EIF3F: variants seen among roughly 807,000 people sequenced by gnomAD.
EIF3F encodes eukaryotic translation initiation factor 3 subunit F.
EIF3F carries 8 observed loss-of-function variants against 36.0 expected under a neutral mutation model. The observed-to-expected ratio is 0.22, with a 90% CI of 0.13 to 0.40. The LOEUF (loss-of-function observed/expected upper bound fraction) is 0.40. Among genes scored for constraint, EIF3F ranks in the 10% least tolerant of loss-of-function variants. EIF3F has a pLI of 1.00. For missense variants in EIF3F, 430 were observed against 467.6 expected (o/e 0.92, Z 0.74); for synonymous variants, 184 against 188.5 (o/e 0.98, Z 0.19).
chr11:7,987,409 G>A lies in EIF3F; in HGVS notation c.57G>A (p.Pro19=), dbSNP rs1452676751. 3.1e-6 allele frequency: 5 copies of A among 1,600,864 alleles called. No homozygotes were observed. The highest frequency in any genetic ancestry group is 2.2e-5 in the East Asian group (1 of 44,796). ...SAPPATPTPV[P]AAAPASVPAP... Reference sequence around the variant, plus strand: ...CTCCGGCCACGCCAACCCCAGTCCCGGCGGCGGCCCCAGCCTCAGTTCCAG... The same window carrying A: ...CTCCGGCCACGCCAACCCCAGTCCCAGCGGCGGCCCCAGCCTCAGTTCCAG... The change falls in exon 1 of 8, where the codon CCG becomes CCA. Residue 19 remains proline (P), a synonymous_variant. Transcript: ENST00000651655.
chr11:7,987,518 A>C lies in EIF3F; in HGVS notation c.166A>C (p.Thr56Pro). 2 of 1,606,586 alleles carry C rather than the reference A, an allele frequency of 1.2e-6. No individual in the cohort carries two copies. The highest frequency in any genetic ancestry group is 8.5e-7 in the Non-Finnish European group (1 of 1,177,736). Residue 56 changes from threonine to proline, a missense_variant, in exon 1 of 8, where the codon ACT becomes CCT. Thr to Pro is a conservative substitution (Grantham distance 38). Around this residue, in one of 2 missense-constraint regions of EIF3F, gnomAD observed 168 missense variants for 120.2 expected, o/e 1.40. Transcript: ENST00000651655. ...SSDPAAAAAATAAPGQTPASA... is the reference protein window; with the variant it reads ...SSDPAAAAAAPAAPGQTPASA... ...AGACCCTGCGGCAGCAGCGGCTGCA[A>C]CTGCGGCTCCTGGCCAGACCCCGGC... is the stretch of plus-strand genomic sequence containing the variant.
intron 1 of EIF3F, among the ~76,000 whole-genome samples, chr11:7,988,148 A>G (rs535551728): frequency 3.5e-4 from 53 of 152,288 alleles, no homozygotes; most frequent in Non-Finnish European, 6.6e-4. Flanking sequence ...TCCCTTATCC[A>G]CTGACTAAAT....
chr11:7,987,726 C>G lies in EIF3F; in HGVS notation c.364+10C>G. The G allele has an allele frequency of 6.7e-7, 1 of 1,502,496 alleles. No individual in the cohort carries two copies. Among genetic ancestry groups the G allele is most frequent in the African/African-American group, 1.4e-5 (1 of 69,528 alleles). The allele number at this position is 1,502,496 out of a possible 1,614,324, so 93.1% of individuals were successfully genotyped here. ...ATCGGGACCCTGTTGGGTGAGTGGT[C>G]AGAGAAAGTTAACATTCTTTTCTTC... On this transcript the variant is annotated intron_variant, in intron 1 of 7. Transcript: ENST00000651655.
chr11:7,994,570 G>A (rs1434659927), intron 5 of EIF3F, 53 bp downstream of exon 5: 1 of 1,539,944 alleles, frequency 6.5e-7, no homozygotes, highest in Non-Finnish European at 8.9e-7. Context: ...TTCAGGGAAG[G>A]GGGCTGCTAG....
intron 4 of EIF3F, 128 bp downstream of exon 4, chr11:7,993,152 C>A: frequency 1.9e-6 from 2 of 1,076,582 alleles, no homozygotes; most frequent in Non-Finnish European, 2.6e-6. Context: ...TCCTCTCTCT[C>A]AACAGTTATT....
chr11:7,993,239 C>G (rs557076684), intron 4 of EIF3F, among the ~76,000 whole-genome samples: 2 of 152,210 alleles, frequency 1.3e-5, no homozygotes, highest in Non-Finnish European at 2.9e-5. Context: ...AGTTTCTACT[C>G]ATTGCCCTTT....
At chr11:7,994,609 G>T (rs1388716332) in intron 5 of EIF3F, 92 bp downstream of exon 5, 2 of 1,175,590 alleles carry the variant, frequency 1.7e-6, no homozygotes, top group Non-Finnish European at 2.4e-6. Flanking sequence ...GCCTTGGGTG[G>T]TTTGAAAAGG....
rs1047278669 is a variant in EIF3F, at chr11:7,999,280, AAAG to A, written c.*3259_*3261del. The A allele has an allele frequency of 3.9e-5, 6 of 152,138 alleles. No homozygotes were observed. The highest frequency in any genetic ancestry group is 6.5e-5 in the Admixed American group (1 of 15,280). 9.4% of individuals were successfully genotyped at this position (152,138 alleles called of 1,614,324 possible). A position where few individuals can be genotyped will look rare whatever the true frequency, so the allele number is the denominator to read the frequency against. On this transcript the variant is annotated 3_prime_UTR_variant, in exon 8 of 8. Transcript: ENST00000651655. ...GATCCTTTCTCAAGAAAAAAAGTGA[AAAG>A]GAGGAGGGTTTTTAAAAAATTAGTA...
At position 7,991,869 on chromosome 11, in the gene EIF3F, C is replaced by G; in HGVS notation, c.435+18C>G. The stretch of plus-strand genomic sequence containing the variant: ...AAGATGAAGTGAGTGGGAATCCAAG[C>G]TGTCCCTCTGCAGTTTTTAGCTGTT... On this transcript the variant is annotated intron_variant, in intron 2 of 7. Coordinates refer to ENST00000651655, the MANE Select transcript of EIF3F (RefSeq NM_003754.3). 1.9e-6 allele frequency: 3 copies of G among 1,613,976 alleles called. No homozygotes were observed. The highest frequency in any genetic ancestry group is 2.5e-6 in the Non-Finnish European group (3 of 1,179,910).
At chr11:7,993,361 A>G (rs1206371898) in intron 4 of EIF3F, among the ~76,000 whole-genome samples, 1 of 152,166 alleles carries the variant, frequency 6.6e-6, no homozygotes, top group East Asian at 1.9e-4. Flanking sequence ...CACATTCATT[A>G]CTTTTCTGAA....
At position 8,000,177 on chromosome 11, in the gene EIF3F, C is replaced by A. The variant is rs1449290961; in HGVS notation, c.*4155C>A. 2.7e-5 allele frequency: 4 copies of A among 149,874 alleles called. No homozygotes were observed. Among genetic ancestry groups the A allele is most frequent in the African/African-American group, 9.9e-5 (4 of 40,570 alleles). 9.3% of individuals were successfully genotyped at this position (149,874 alleles called of 1,614,324 possible). A position where few individuals can be genotyped will look rare whatever the true frequency, so the allele number is the denominator to read the frequency against. On this transcript the variant is annotated 3_prime_UTR_variant, in exon 8 of 8. Transcript: ENST00000651655. ...TTCCGCCACTGCAGTCCAGCCTGAG[C>A]GACAAGAGTGAGAAGAGTGAGACTT...
intron 7 of EIF3F, 38 bp from the exon 8 acceptor site, chr11:7,995,907 C>T (rs774768076): frequency 1.9e-6 from 3 of 1,597,004 alleles, no homozygotes; most frequent in South Asian, 1.1e-5. Flanking sequence ...TCCCTTTCCA[C>T]CCAACCCCCC....
At chr11:7,991,732 T>G in intron 1 of EIF3F, 49 bp from the exon 2 acceptor site, 2 of 1,584,950 alleles carry the variant, frequency 1.3e-6, no homozygotes, top group Non-Finnish European at 1.7e-6. Flanking sequence ...TCAGAGGTTG[T>G]TGGGAGCCCT....
rs986787541 is a variant in EIF3F, at chr11:8,001,025, A to G, written c.*5003A>G. ...TGGGAAAATATTTGCAGTTCATATC[A>G]AAAAAAGGGCTAATATTCTTGTCCC... On this transcript the variant is annotated 3_prime_UTR_variant, in exon 8 of 8. Transcript: ENST00000651655. 3.3e-5 allele frequency: 5 copies of G among 152,172 alleles called. No individual in the cohort carries two copies. The highest frequency in any genetic ancestry group is 7.2e-5 in the African/African-American group (3 of 41,432). 9.4% of individuals were successfully genotyped at this position (152,172 alleles called of 1,614,324 possible). A position where few individuals can be genotyped will look rare whatever the true frequency, so the allele number is the denominator to read the frequency against.
chr11:7,991,755 C>T (rs373516175), intron 1 of EIF3F, 26 bp from the exon 2 acceptor site: 9 of 1,612,938 alleles, frequency 5.6e-6, no homozygotes, highest in Admixed American at 5.0e-5. Flanking sequence ...GATTATATAA[C>T]ACATGGACGA....
intron 1 of EIF3F, among the ~76,000 whole-genome samples, chr11:7,988,812 C>G (rs1412504033): frequency 6.6e-6 from 1 of 152,200 alleles, no homozygotes; most frequent in African/African-American, 2.4e-5. Flanking sequence ...TAGACTTAGT[C>G]TTTGTGAGAG....
rs1454267670 is a variant in EIF3F, at chr11:7,991,834, A to G, written c.418A>G (p.Asn140Asp). ...EVTNCFSVPH[N>D]ESEDEVAVDM... ...CACCAATTGCTTTTCAGTGCCGCACAATGAGTCAGAAGATGAAGTGAGTGG... is the reference window on the plus strand; with the variant it reads ...CACCAATTGCTTTTCAGTGCCGCACGATGAGTCAGAAGATGAAGTGAGTGG... The change falls in exon 2 of 8, where the codon AAT (asparagine) becomes GAT (aspartate). Residue 140 changes from asparagine (N) to aspartate (D), a missense_variant. By Grantham distance (23) the Asn-to-Asp change is conservative. This residue lies in a region of EIF3F where 262 missense variants were observed against 347.4 expected (regional missense o/e 0.75). Transcript: ENST00000651655. 10 of 1,614,198 alleles carry G rather than the reference A, an allele frequency of 6.2e-6. No homozygotes were observed. Among genetic ancestry groups the G allele is most frequent in the Non-Finnish European group, 8.5e-6 (10 of 1,180,018 alleles).
intron 1 of EIF3F, 84 bp downstream of exon 1, chr11:7,987,800 T>G: frequency 7.2e-7 from 1 of 1,380,764 alleles, no homozygotes; most frequent in Non-Finnish European, 9.4e-7. Flanking sequence ...ATTCTTTAAT[T>G]CCTGGTGTCC....
chr11:7,992,055 T>C, intron 2 of EIF3F, 29 bp from the exon 3 acceptor site: 1 of 1,610,084 alleles, frequency 6.2e-7, no homozygotes, highest in Non-Finnish European at 8.5e-7. Flanking sequence ...TTCTGGCTTC[T>C]TAGCTTGCTT....
Sources: allele counts gnomAD v4.1 joint callset (sites outside exome capture counted in the v4.1 genomes callset), GRCh38; gene constraint gnomAD v4.1.1; regional missense constraint gnomAD v4.1.1; transcripts MANE v1.5; gene names NCBI Gene and HGNC (gene_info 2026-07-23, HGNC 2026-07-21).